The following PDRG1 variants were observed in gnomAD, a reference collection of about 807,000 sequenced individuals.
The protein encoded by PDRG1 is p53 and DNA damage regulated 1.
In PDRG1, 14 loss-of-function variants were observed where a neutral mutation model predicts 18.4. The observed-to-expected ratio is 0.76, with a 90% confidence interval of 0.50 to 1.19. PDRG1 has a LOEUF of 1.19. Ranked by LOEUF, PDRG1 falls within the 50% of genes most tolerant of loss-of-function variation. PDRG1 has a pLI of 0.00. For synonymous variants in PDRG1, 65 were observed against 60.9 expected (o/e 1.07, Z -0.31); for missense variants, 177 against 160.1 (o/e 1.11, Z -0.57).
At chr20:31,951,177 T>A (rs1227797264) in intron 1 of PDRG1, among the ~76,000 whole-genome samples, 2 of 152,150 alleles carry the variant, frequency 1.3e-5, no homozygotes, top group South Asian at 2.1e-4. Context: ...TAACTGGAGA[T>A]GAGAGGGAGT....
intron 1 of PDRG1, 94 bp downstream of exon 1, chr20:31,951,781 C>T: frequency 7.5e-7 from 1 of 1,338,168 alleles, no homozygotes; most frequent in Non-Finnish European, 1.0e-6. Context: ...GCCTCGGAGC[C>T]GTTAACCGCC....
rs1292159712 is a variant in PDRG1 at position 31,945,554 on chromosome 20, GT to G, written c.*252del. The G allele has an allele frequency of 9.8e-6, 4 of 409,506 alleles. No individual in the cohort carries two copies. In the East Asian group the frequency reaches 1.8e-4, roughly 18 times the overall value. The allele number at this position is 409,506 out of a possible 1,614,324, so 25.4% of individuals were successfully genotyped here. A position where few individuals can be genotyped will look rare whatever the true frequency, so the allele number is the denominator to read the frequency against. On this transcript the variant is annotated 3_prime_UTR_variant, in exon 5 of 5. Coordinates refer to ENST00000202017, the MANE Select transcript of PDRG1 (RefSeq NM_030815.3). ...CAGCCACTGCCCCACACACCCACTG[GT>G]GGCTACCAAGGCCCGTCAATAGATC...
chr20:31,946,365 C>A, intron 4 of PDRG1, 131 bp downstream of exon 4: 1 of 821,112 alleles, frequency 1.2e-6, no homozygotes. Flanking sequence ...ACTGTGCACA[C>A]CTCCAGGGCC....
chr20:31,947,663 T>C (rs6058499), intron 3 of PDRG1, among the ~76,000 whole-genome samples: 59,127 of 152,084 alleles, frequency 0.39, 14,830 homozygotes, highest in African/African-American at 0.71. Context: ...GAGGCCAAGG[T>C]GGGTGGATCA....
In PDRG1 at chr20:31,952,045, G is replaced by A; in HGVS notation, c.-84C>T. 6.9e-7 allele frequency: 1 copy of A among 1,457,368 alleles called. No homozygotes were observed. The highest frequency in any genetic ancestry group is 9.0e-7 in the Non-Finnish European group (1 of 1,105,794). 90.3% of individuals were successfully genotyped at this position (1,457,368 alleles called of 1,614,324 possible). On this transcript the variant is annotated 5_prime_UTR_variant, in exon 1 of 5. Transcript: ENST00000202017. Reference sequence around the variant, plus strand: ...CCGCTGCGCACGCGCCGCTCTCTAGGTGCTTCCGGCGCGCCTGCGCAGTTA... The same window carrying A: ...CCGCTGCGCACGCGCCGCTCTCTAGATGCTTCCGGCGCGCCTGCGCAGTTA...
chr20:31,950,283 A>G (rs762004850), intron 2 of PDRG1, 29 bp downstream of exon 2: 1 of 1,540,512 alleles, frequency 6.5e-7, no homozygotes, highest in Non-Finnish European at 9.0e-7. Context: ...ACAGGCCTCC[A>G]GGGCTGCACT....
At position 31,948,738 on chromosome 20, in the gene PDRG1, C is replaced by T. The variant is rs1158603411; in HGVS notation, c.238+70G>A. On this transcript the variant is annotated intron_variant, in intron 3 of 4. Coordinates refer to ENST00000202017, the MANE Select transcript of PDRG1 (RefSeq NM_030815.3). Reference sequence around the variant, plus strand: ...CTTACGCTGCCTGAAGCCTGACTCCCTGTTCTGGGTTAAGACCAAAGCTGG... The same window carrying T: ...CTTACGCTGCCTGAAGCCTGACTCCTTGTTCTGGGTTAAGACCAAAGCTGG... The T allele has an allele frequency of 3.5e-6, 5 of 1,418,654 alleles. 1 individual carries two copies. In the East Asian group the frequency reaches 9.3e-5, roughly 26 times the overall value. The allele number at this position is 1,418,654 out of a possible 1,614,324, so 87.9% of individuals were successfully genotyped here.
intron 4 of PDRG1, 52 bp from the exon 5 acceptor site, chr20:31,945,941 G>A (rs1370015036): frequency 1.3e-6 from 2 of 1,494,570 alleles, no homozygotes; most frequent in African/African-American, 1.4e-5. Flanking sequence ...TGGCTCTGGA[G>A]CCAGGCCCAG....
In PDRG1 at chr20:31,950,403, A is replaced by G; in HGVS notation, c.88-16T>C. 1 of 1,589,542 alleles carries G rather than the reference A, an allele frequency of 6.3e-7. No homozygotes were observed. Among genetic ancestry groups the G allele is most frequent in the Non-Finnish European group, 8.6e-7 (1 of 1,157,634 alleles). ...GGTCCACAATCTGAAAACCACAGGG[A>G]CAGGAGGGAACTCAGCTATCTCTTG... On this transcript the variant is annotated splice_polypyrimidine_tract_variant and intron_variant, in intron 1 of 4. Transcript: ENST00000202017.
intron 3 of PDRG1, 102 bp downstream of exon 3, chr20:31,948,706 G>T: frequency 9.4e-7 from 1 of 1,061,484 alleles, no homozygotes; most frequent in Non-Finnish European, 1.4e-6. Flanking sequence ...TGACAGAACT[G>T]CCTCTCCTTA....
At position 31,951,992 on chromosome 20, in the gene PDRG1, C is replaced by A; in HGVS notation, c.-31G>T. 1 of 1,516,872 alleles carries A rather than the reference C, an allele frequency of 6.6e-7. No individual in the cohort carries two copies. The highest frequency in any genetic ancestry group is 1.3e-5 in the South Asian group (1 of 79,088). 94.0% of individuals were successfully genotyped at this position (1,516,872 alleles called of 1,614,324 possible). A position where few individuals can be genotyped will look rare whatever the true frequency, so the allele number is the denominator to read the frequency against. On this transcript the variant is annotated 5_prime_UTR_variant, in exon 1 of 5. Coordinates refer to ENST00000202017, the MANE Select transcript of PDRG1 (RefSeq NM_030815.3). ...CCACCAACTCCGCTTGCGGCTCTCG[C>A]GCGACCCCGGGATCTCCGCTTCGAC...
chr20:31,948,939 C>A, intron 2 of PDRG1, 57 bp from the exon 3 acceptor site: 1 of 1,515,844 alleles, frequency 6.6e-7, no homozygotes, highest in Admixed American at 1.7e-5. Context: ...CTATTATCTG[C>A]CAGGCATTGT....
intron 1 of PDRG1, among the ~76,000 whole-genome samples, chr20:31,950,697 C>T (rs1442968530): frequency 2.6e-5 from 4 of 152,194 alleles, no homozygotes; most frequent in Non-Finnish European, 5.9e-5. Context: ...AACCCTTCCC[C>T]TACACACTGT....
In PDRG1 at chr20:31,945,506, T is replaced by TTGC. The variant is rs1182742866; in HGVS notation, c.*298_*300dup. The TTGC allele has an allele frequency of 1.8e-5, 5 of 280,798 alleles. No homozygotes were observed. The highest frequency in any genetic ancestry group is 2.2e-5 in the African/African-American group (1 of 45,406). The allele number at this position is 280,798 out of a possible 1,614,324, so 17.4% of individuals were successfully genotyped here. A position where few individuals can be genotyped will look rare whatever the true frequency, so the allele number is the denominator to read the frequency against. ...GCAGGCCATTGTTGGGAAGTGCCTG[T>TTGC]TGCAGTCATTCTTACACCCCCACAG... On this transcript the variant is annotated 3_prime_UTR_variant, in exon 5 of 5. Transcript: ENST00000202017.
chr20:31,950,004 C>T (rs2064342166), intron 2 of PDRG1, among the ~76,000 whole-genome samples: 1 of 152,146 alleles, frequency 6.6e-6, no homozygotes, highest in Non-Finnish European at 1.5e-5. Context: ...CGTTGTTTTC[C>T]TCATCTGTAA....
Position 31,949,391 on chromosome 20 carries a change from G to T in PDRG1, c.164-509C>A, listed in dbSNP as rs566577105. On this transcript the variant is annotated intron_variant, in intron 2 of 4. Transcript: ENST00000202017. ...CCTCGAGACCGGCCTGGCCAACATG[G>T]CGAAACGCTGTATCTATTAAAAATA... Among the ~76,000 whole-genome samples, 22 of 152,310 alleles carry T rather than the reference G, an allele frequency of 1.4e-4. No individual in the cohort carries two copies. The East Asian group carries it at 3.7e-3, about 25-fold the overall frequency.
At position 31,944,441 on chromosome 20, in the gene PDRG1, C is replaced by T. The variant is rs1286539140; in HGVS notation, c.*1366G>A. 1 of 152,922 alleles carries T rather than the reference C, an allele frequency of 6.5e-6. No individual in the cohort carries two copies. Among genetic ancestry groups the T allele is most frequent in the Non-Finnish European group, 1.5e-5 (1 of 68,534 alleles). 9.5% of individuals were successfully genotyped at this position (152,922 alleles called of 1,614,324 possible). On this transcript the variant is annotated 3_prime_UTR_variant, in exon 5 of 5. Coordinates refer to ENST00000202017, the MANE Select transcript of PDRG1 (RefSeq NM_030815.3). ...TACAAAAGGGTATAGGGTGACATCT[C>T]CTTCCCTCCCACCTGTGCGCCCCAA...
intron 1 of PDRG1, 24 bp from the exon 2 acceptor site, chr20:31,950,411 GA>G (rs1365457455): frequency 6.4e-7 from 1 of 1,571,500 alleles, no homozygotes; most frequent in Non-Finnish European, 8.8e-7. Flanking sequence ...GGACAGGAGG[GA>G]ACTCAGCTAT....
chr20:31,951,785 A>T, intron 1 of PDRG1, 90 bp downstream of exon 1: 1 of 1,370,688 alleles, frequency 7.3e-7, no homozygotes, highest in Non-Finnish European at 9.7e-7. Context: ...CGGAGCCGTT[A>T]ACCGCCTGTC....
Sources: gnomAD v4.1 joint callset for allele counts (sites outside exome capture counted in the v4.1 genomes callset) on GRCh38, gnomAD v4.1.1 for gene constraint, MANE v1.5 for transcripts, NCBI Gene and HGNC (gene_info 2026-07-23, HGNC 2026-07-21) for gene names.